The following FTO variants were observed in gnomAD, a reference collection of about 807,000 sequenced individuals.
FTO encodes the protein alpha-ketoglutarate-dependent dioxygenase FTO.
Under a neutral mutation model 63.9 loss-of-function variants are expected in FTO, and 47 were observed. The ratio of observed to expected loss-of-function variants is 0.74; its 90% CI spans 0.58 to 0.94. The LOEUF (loss-of-function observed/expected upper bound fraction) is 0.94, where lower values mean the gene tolerates loss of function less well. Among genes scored for constraint, FTO ranks in the 40% least tolerant of loss-of-function variants. The probability of loss-of-function intolerance (pLI) is 0.00; values close to 1 mark genes in which losing one functional copy is unlikely to be tolerated. For missense variants in FTO, 562 were observed against 618.1 expected (o/e 0.91, Z 0.96); for synonymous variants, 207 against 224.4 (o/e 0.92, Z 0.69).
chr16:54,025,715 T>C (rs1192231012), intron 8 of FTO, among the ~76,000 whole-genome samples: 1 of 128,168 alleles, frequency 7.8e-6, no homozygotes, highest in Non-Finnish European at 1.6e-5. Flanking sequence ...TGAGACTCCA[T>C]CTCAAAAAAA....
At chr16:53,921,879 G>T (rs1393481359) in intron 7 of FTO, among the ~76,000 whole-genome samples, 1 of 151,988 alleles carries the variant, frequency 6.6e-6, no homozygotes, top group Non-Finnish European at 1.5e-5. Flanking sequence ...TAGCATAACA[G>T]TATTAGGTAT....
At chr16:53,729,025 A>G (rs548223101) in intron 1 of FTO, among the ~76,000 whole-genome samples, 4 of 151,414 alleles carry the variant, frequency 2.6e-5, no homozygotes, top group African/African-American at 9.7e-5. Context: ...TGGCCTCCCA[A>G]AGTGCTAGGA....
chr16:53,744,178 C>CT (rs2076594309), intron 1 of FTO, among the ~76,000 whole-genome samples: 1 of 152,142 alleles, frequency 6.6e-6, no homozygotes, highest in Non-Finnish European at 1.5e-5. Context: ...ATCATAGAAA[C>CT]TGCAGGGCAT....
chr16:53,967,911 T>G (rs545765076), intron 8 of FTO, among the ~76,000 whole-genome samples: 1 of 152,368 alleles, frequency 6.6e-6, no homozygotes, highest in South Asian at 2.1e-4. Flanking sequence ...AATGGAGTTG[T>G]GTGGTTTAAA....
chr16:53,912,242 C>T (rs976298222), intron 7 of FTO, among the ~76,000 whole-genome samples: 5 of 152,134 alleles, frequency 3.3e-5, no homozygotes, highest in African/African-American at 1.2e-4. Context: ...AGGCAACCTC[C>T]AGGAGTAATC....
rs970262274 is a variant in FTO, at chr16:54,080,406, G to A, written c.1365-31356G>A. On this transcript the variant is annotated intron_variant, in intron 8 of 8. Transcript: ENST00000471389. ...CTATACATTTTGCATTCACGATCTC[G>A]TTGAGTCCTTACAGTAGCTCTATGA... is the stretch of plus-strand genomic sequence containing the variant. 3.9e-5 allele frequency among the ~76,000 whole-genome samples: 6 copies of A among 152,136 alleles called. No homozygotes were observed. In the East Asian group the frequency reaches 5.8e-4, roughly 15 times the overall value.
chr16:54,020,224 T>A (rs1173673769), intron 8 of FTO, among the ~76,000 whole-genome samples: 1 of 152,166 alleles, frequency 6.6e-6, no homozygotes, highest in African/African-American at 2.4e-5. Flanking sequence ...GATTATAGAG[T>A]ACAGATATTG....
At chr16:54,076,250 T>G (rs528026963) in intron 8 of FTO, among the ~76,000 whole-genome samples, 98 of 152,226 alleles carry the variant, frequency 6.4e-4, no homozygotes, top group Non-Finnish European at 1.2e-3. Flanking sequence ...GTGATGTGTG[T>G]TTGTTAGGTA....
chr16:53,777,940 T>C (rs1419859001), intron 1 of FTO, among the ~76,000 whole-genome samples: 1 of 152,186 alleles, frequency 6.6e-6, no homozygotes, highest in Non-Finnish European at 1.5e-5. Context: ...AGCCCAGAAC[T>C]CAAATCACAC....
chr16:53,779,773 C>A (rs2077544119), intron 1 of FTO, among the ~76,000 whole-genome samples: 1 of 152,092 alleles, frequency 6.6e-6, no homozygotes. Context: ...TTAATGCTAG[C>A]CATGGAAGCT....
intron 7 of FTO, among the ~76,000 whole-genome samples, chr16:53,920,376 ACCT>A (rs1305144638): frequency 5.3e-5 from 8 of 152,206 alleles, no homozygotes; most frequent in African/African-American, 1.9e-4. Context: ...TACAAGGGAG[ACCT>A]CCTGAATCAC....
rs188414076 is a variant in FTO, at chr16:54,036,250, C to T, written c.1365-75512C>T. Among the ~76,000 whole-genome samples the T allele has an allele frequency of 1.9e-3, 289 of 152,280 alleles. 2 individuals carry two copies. The highest frequency in any genetic ancestry group is 3.2e-3 in the Admixed American group (49 of 15,294). ...CATTAGTCCTAATCTAATATTTAGC[C>T]CCATAATGTTTTAAACATTTTGACC... On this transcript the variant is annotated intron_variant, in intron 8 of 8. Coordinates refer to ENST00000471389, the MANE Select transcript of FTO (RefSeq NM_001080432.3).
chr16:53,752,146 A>G (rs994644573), intron 1 of FTO, among the ~76,000 whole-genome samples: 1 of 152,226 alleles, frequency 6.6e-6, no homozygotes, highest in East Asian at 1.9e-4. Flanking sequence ...ATTAAGGGAG[A>G]TGAAGCTAGT....
chr16:53,766,145 C>T (rs1381144502), intron 1 of FTO, among the ~76,000 whole-genome samples: 11 of 152,172 alleles, frequency 7.2e-5, no homozygotes, highest in Non-Finnish European at 1.5e-4. Flanking sequence ...TACTTTTAGA[C>T]AGCATAAGAA....
At chr16:54,096,330 G>A (rs948955373) in intron 8 of FTO, among the ~76,000 whole-genome samples, 12 of 152,180 alleles carry the variant, frequency 7.9e-5, no homozygotes, top group African/African-American at 2.9e-4. Flanking sequence ...TTAAGGCCAG[G>A]ACACTATGAC....
chr16:54,020,454 T>C (rs1395454690), intron 8 of FTO, among the ~76,000 whole-genome samples: 1 of 152,118 alleles, frequency 6.6e-6, no homozygotes, highest in Admixed American at 6.6e-5. Flanking sequence ...TGTTTTACAG[T>C]TTCATAAGGA....
chr16:53,740,153 C>T (rs2076497053), intron 1 of FTO, among the ~76,000 whole-genome samples: 1 of 152,178 alleles, frequency 6.6e-6, no homozygotes, highest in African/African-American at 2.4e-5. Flanking sequence ...TAACAAGAAG[C>T]ACCAGAACTT....
chr16:53,929,001 A>G (rs796471592), intron 7 of FTO, among the ~76,000 whole-genome samples: 5 of 151,978 alleles, frequency 3.3e-5, no homozygotes, highest in African/African-American at 9.6e-5. Flanking sequence ...ATGCCACCAC[A>G]CCTGGCTAAT....
chr16:53,847,494 G>A (rs979584046), intron 4 of FTO, among the ~76,000 whole-genome samples: 10 of 152,134 alleles, frequency 6.6e-5, no homozygotes, highest in African/African-American at 2.2e-4. Flanking sequence ...TAGGCCAGGC[G>A]CAGTGGCTCA....
Sources: allele counts gnomAD v4.1 joint callset (sites outside exome capture counted in the v4.1 genomes callset), GRCh38; gene constraint gnomAD v4.1.1; transcripts MANE v1.5; gene names NCBI Gene and HGNC (gene_info 2026-07-23, HGNC 2026-07-21).